Variants in GMDS observed in about 807,000 individuals in gnomAD.
The protein encoded by GMDS is GDP-mannose 4,6-dehydratase.
Under a neutral mutation model 49.9 loss-of-function variants are expected in GMDS, and 20 were observed. That is an observed-to-expected ratio of 0.40 (90% CI 0.28 to 0.58). The LOEUF (loss-of-function observed/expected upper bound fraction) is 0.58, where lower values mean the gene tolerates loss of function less well. Among genes scored for constraint, GMDS ranks in the 20% least tolerant of loss-of-function variants. The probability of loss-of-function intolerance (pLI) is 0.42; values close to 1 mark genes in which losing one functional copy is unlikely to be tolerated. For missense variants in GMDS, 362 were observed against 481.4 expected (o/e 0.75, Z 2.32); for synonymous variants, 177 against 178.6 (o/e 0.99, Z 0.07).
At chr6:2,087,652 T>G (rs915769297) in intron 4 of GMDS, among the ~76,000 whole-genome samples, 1 of 152,258 alleles carries the variant, frequency 6.6e-6, no homozygotes, top group Non-Finnish European at 1.5e-5. Context: ...GTAAGTAAAC[T>G]TCATGTTTTA....
chr6:1,819,122 C>T (rs1390272755), intron 7 of GMDS, among the ~76,000 whole-genome samples: 2 of 152,086 alleles, frequency 1.3e-5, no homozygotes, highest in Non-Finnish European at 2.9e-5. Context: ...CCTTCCTATT[C>T]TAATACAAAT....
At chr6:1,931,314 T>C (rs1355440652) in intron 6 of GMDS, among the ~76,000 whole-genome samples, 1 of 152,238 alleles carries the variant, frequency 6.6e-6, no homozygotes, top group Non-Finnish European at 1.5e-5. Flanking sequence ...GGAATATTTC[T>C]AAATAGGTTT....
intron 4 of GMDS, among the ~76,000 whole-genome samples, chr6:2,071,936 T>A (rs961061694): frequency 1.3e-5 from 2 of 152,178 alleles, no homozygotes; most frequent in Admixed American, 6.5e-5. Flanking sequence ...AACACTTTGA[T>A]TAAAGCAACG....
intron 4 of GMDS, among the ~76,000 whole-genome samples, chr6:1,984,935 A>G (rs1173877325): frequency 1.3e-5 from 2 of 152,208 alleles, no homozygotes; most frequent in Non-Finnish European, 2.9e-5. Context: ...CTGAAGCTGC[A>G]AGTCTGTTGG....
intron 7 of GMDS, among the ~76,000 whole-genome samples, chr6:1,756,155 TG>T (rs1767932585): frequency 2.0e-5 from 3 of 152,180 alleles, no homozygotes; most frequent in Non-Finnish European, 4.4e-5. Context: ...ATGTAAATAA[TG>T]TATGAAAGAA....
At chr6:1,890,601 A>G (rs777810893) in intron 7 of GMDS, among the ~76,000 whole-genome samples, 4 of 151,810 alleles carry the variant, frequency 2.6e-5, no homozygotes, top group Non-Finnish European at 5.9e-5. Flanking sequence ...TATTTTTTCC[A>G]TTGTTGCTTG....
At chr6:2,194,036 T>TC (rs1465585199) in intron 1 of GMDS, among the ~76,000 whole-genome samples, 1 of 151,098 alleles carries the variant, frequency 6.6e-6, no homozygotes, top group Non-Finnish European at 1.5e-5. Flanking sequence ...TGCTATTTTT[T>TC]TTTAAAAAAA....
At chr6:1,902,103 T>C (rs1472702461) in intron 7 of GMDS, among the ~76,000 whole-genome samples, 4 of 152,234 alleles carry the variant, frequency 2.6e-5, no homozygotes, top group African/African-American at 9.6e-5. Context: ...CTCAAAGTTC[T>C]AGAAGTGTGT....
intron 9 of GMDS, among the ~76,000 whole-genome samples, chr6:1,637,160 A>C (rs1223444823): frequency 6.6e-6 from 1 of 152,198 alleles, no homozygotes; most frequent in Non-Finnish European, 1.5e-5. Flanking sequence ...AGTCTGAGTC[A>C]AGCCAGGTGT....
Position 2,243,450 on chromosome 6 carries a change from G to A in GMDS, c.102+1871C>T, listed in dbSNP as rs183342713. Among the ~76,000 whole-genome samples, 73 of 152,130 alleles carry A rather than the reference G, an allele frequency of 4.8e-4. 1 individual carries two copies. Among genetic ancestry groups the A allele is most frequent in the South Asian group, 2.3e-3 (11 of 4,822 alleles). On this transcript the variant is annotated intron_variant, in intron 1 of 10. Coordinates refer to ENST00000380815, the MANE Select transcript of GMDS (RefSeq NM_001500.4). The stretch of plus-strand genomic sequence containing the variant: ...AAGATGTTAATCTTAACTAATTTCC[G>A]GACAATACTAAAATAAAATCTCTAC...
intron 1 of GMDS, among the ~76,000 whole-genome samples, chr6:2,236,581 T>A (rs958254397): frequency 6.6e-6 from 1 of 152,218 alleles, no homozygotes; most frequent in Non-Finnish European, 1.5e-5. Context: ...CAAAAAATAC[T>A]ACTAGTGTCT....
chr6:2,156,616 A>C (rs942246936), intron 1 of GMDS, among the ~76,000 whole-genome samples: 9 of 152,212 alleles, frequency 5.9e-5, no homozygotes, highest in African/African-American at 2.2e-4. Flanking sequence ...AATAAAAAAA[A>C]CTTAAATTTC....
intron 4 of GMDS, among the ~76,000 whole-genome samples, chr6:1,972,278 T>A (rs1764661854): frequency 6.7e-6 from 1 of 150,290 alleles, no homozygotes; most frequent in African/African-American, 2.5e-5. Context: ...TTTTTTTTTT[T>A]AGAAAATCTT....
chr6:1,912,256 C>T (rs966108239), intron 7 of GMDS, among the ~76,000 whole-genome samples: 1 of 152,038 alleles, frequency 6.6e-6, no homozygotes, highest in Non-Finnish European at 1.5e-5. Flanking sequence ...ATCCTAGCTA[C>T]TTGGGAGGCT....
chr6:2,065,539 G>A (rs1003253244), intron 4 of GMDS, among the ~76,000 whole-genome samples: 7 of 152,130 alleles, frequency 4.6e-5, no homozygotes, highest in African/African-American at 1.7e-4. Context: ...TTAGAAGAAT[G>A]TATAACTAGA....
At chr6:1,657,477 G>A (rs1259954743) in intron 9 of GMDS, among the ~76,000 whole-genome samples, 3 of 152,308 alleles carry the variant, frequency 2.0e-5, no homozygotes, top group Non-Finnish European at 2.9e-5. Context: ...ATGGTAACTC[G>A]TGCCACAATA....
intron 1 of GMDS, among the ~76,000 whole-genome samples, chr6:2,213,777 TTAAGGGGGA>T (rs1403788898): frequency 5.9e-5 from 9 of 152,036 alleles, no homozygotes; most frequent in African/African-American, 2.2e-4. Flanking sequence ...GAATTCAAGC[TTAAGGGGGA>T]GAAGGGGTAA....
intron 6 of GMDS, among the ~76,000 whole-genome samples, chr6:1,955,412 A>G (rs919965238): frequency 4.6e-5 from 7 of 152,226 alleles, no homozygotes; most frequent in Non-Finnish European, 8.8e-5. Flanking sequence ...ATACATAGTA[A>G]TAGTTATTCA....
At chr6:1,686,506 C>T (rs1246053804) in intron 9 of GMDS, among the ~76,000 whole-genome samples, 1 of 152,216 alleles carries the variant, frequency 6.6e-6, no homozygotes, top group Non-Finnish European at 1.5e-5. Context: ...TAGACTCTAG[C>T]AAGCACGCAT....
Sources: gnomAD v4.1 joint callset for allele counts (sites outside exome capture counted in the v4.1 genomes callset) on GRCh38, gnomAD v4.1.1 for gene constraint, MANE v1.5 for transcripts, NCBI Gene and HGNC (gene_info 2026-07-23, HGNC 2026-07-21) for gene names.